The following ARHGAP26 variants were observed in gnomAD, a reference collection of about 807,000 sequenced individuals.
ARHGAP26 encodes Rho GTPase activating protein 26.
ARHGAP26 carries 38 observed loss-of-function variants against 104.8 expected under a neutral mutation model. That is an observed-to-expected ratio of 0.36 (90% CI 0.28 to 0.48). The LOEUF is 0.48. Ranked by LOEUF, ARHGAP26 falls within the 20% of genes least tolerant of loss-of-function variation. ARHGAP26 has a pLI of 0.99. For missense variants in ARHGAP26, 704 were observed against 947.9 expected (o/e 0.74, Z 3.38); for synonymous variants, 341 against 340.0 (o/e 1.00, Z -0.03).
chr5:143,149,217 A>C (rs1436157725), intron 20 of ARHGAP26, among the ~76,000 whole-genome samples: 1 of 152,170 alleles, frequency 6.6e-6, no homozygotes, highest in Non-Finnish European at 1.5e-5. Flanking sequence ...GGGTGATAAC[A>C]GGAACGGTTC....
intron 20 of ARHGAP26, among the ~76,000 whole-genome samples, chr5:143,180,598 C>T (rs902957015): frequency 6.6e-6 from 1 of 152,128 alleles, no homozygotes; most frequent in Non-Finnish European, 1.5e-5. Flanking sequence ...AGGAAACTTA[C>T]AATCATGGCA....
intron 5 of ARHGAP26, among the ~76,000 whole-genome samples, chr5:142,887,051 G>A (rs1757813011): frequency 6.6e-6 from 1 of 152,208 alleles, no homozygotes; most frequent in Non-Finnish European, 1.5e-5. Context: ...AGTTGAGCAG[G>A]TGTGTGGTTA....
intron 20 of ARHGAP26, chr5:143,170,095 C>T (rs1311920092): frequency 1.3e-5 from 2 of 152,204 alleles, no homozygotes; most frequent in African/African-American, 2.4e-5. Flanking sequence ...GTGCCCATTA[C>T]AGGTTATTAG....
rs781652051 is a variant in ARHGAP26 at position 143,222,438 on chromosome 5, T to G, written c.2272T>G (p.Phe758Val). ...CCTCATCCCTGAGAATTACGTGGAGTTCCTCTAACCGTGGGCCCCAGCAGA... is the reference window on the plus strand; with the variant it reads ...CCTCATCCCTGAGAATTACGTGGAGGTCCTCTAACCGTGGGCCCCAGCAGA... ...TGLIPENYVE[F>V]L is the part of the protein sequence containing the mutation. Residue 758 changes from phenylalanine to valine, a missense_variant, in exon 23 of 23, where the codon TTC (phenylalanine) becomes GTC (valine). Physicochemically the swap from Phe to Val is conservative, Grantham distance 50. Transcript: ENST00000645722. 3.8e-6 allele frequency: 6 copies of G among 1,593,288 alleles called. No homozygotes were observed. Among genetic ancestry groups the G allele is most frequent in the Non-Finnish European group, 5.1e-6 (6 of 1,165,566 alleles).
At chr5:142,948,673 A>G (rs913354584) in intron 11 of ARHGAP26, among the ~76,000 whole-genome samples, 6 of 152,006 alleles carry the variant, frequency 3.9e-5, no homozygotes, top group Non-Finnish European at 2.9e-5. Flanking sequence ...TAAGAACATT[A>G]AAAACAGAGG....
At chr5:142,816,152 G>A (rs1765095646) in intron 1 of ARHGAP26, among the ~76,000 whole-genome samples, 1 of 152,028 alleles carries the variant, frequency 6.6e-6, no homozygotes, top group Non-Finnish European at 1.5e-5. Flanking sequence ...TAGAGATATT[G>A]CTAACTGTAC....
At position 143,222,533 on chromosome 5, in the gene ARHGAP26, T is replaced by A; in HGVS notation, c.*87T>A. On this transcript the variant is annotated 3_prime_UTR_variant, in exon 23 of 23. Transcript: ENST00000645722. The stretch of plus-strand genomic sequence containing the variant: ...TGTCGAGGCCATTTCTCTTTGCCAC[T>A]GAGAAATGCAGCGTGACTGACTCTG... 2 of 1,094,510 alleles carry A rather than the reference T, an allele frequency of 1.8e-6. No individual in the cohort carries two copies. The highest frequency in any genetic ancestry group is 2.6e-6 in the Non-Finnish European group (2 of 777,408). 67.8% of individuals were successfully genotyped at this position (1,094,510 alleles called of 1,614,324 possible).
intron 20 of ARHGAP26, among the ~76,000 whole-genome samples, chr5:143,173,402 G>A (rs996038964): frequency 1.3e-5 from 2 of 152,160 alleles, no homozygotes; most frequent in Non-Finnish European, 2.9e-5. Context: ...GGGCCTAGAG[G>A]GAGTGGAGTC....
At chr5:142,807,605 A>G (rs1194864939) in intron 1 of ARHGAP26, among the ~76,000 whole-genome samples, 3 of 152,166 alleles carry the variant, frequency 2.0e-5, no homozygotes, top group South Asian at 2.1e-4. Flanking sequence ...CTATTGATTC[A>G]GCCTTGGGAA....
rs75862471 is a variant in ARHGAP26 at position 143,222,018 on chromosome 5, T to C, written c.2192-340T>C. ...GCCCTCTAACAAGAGTAGGAATCTG[T>C]CACTTCTTTGTAGTTTAAACCAGGA... On this transcript the variant is annotated intron_variant, in intron 22 of 22. Coordinates refer to ENST00000645722, the MANE Select transcript of ARHGAP26 (RefSeq NM_001135608.3). Among the ~76,000 whole-genome samples, 1,252 of 152,220 alleles carry C rather than the reference T, an allele frequency of 8.2e-3. 6 individuals carry two copies. The highest frequency in any genetic ancestry group is 0.014 in the Non-Finnish European group (932 of 68,010).
At chr5:143,142,647 C>T (rs116235218) in intron 19 of ARHGAP26, among the ~76,000 whole-genome samples, 2,615 of 152,244 alleles carry the variant, frequency 0.017, 36 homozygotes, top group Non-Finnish European at 0.028. Context: ...TGGCATGTCA[C>T]TATTATCAGG....
At chr5:142,971,882 G>A (rs910573991) in intron 11 of ARHGAP26, among the ~76,000 whole-genome samples, 1 of 152,158 alleles carries the variant, frequency 6.6e-6, no homozygotes, top group African/African-American at 2.4e-5. Flanking sequence ...GATACACGGA[G>A]TTTAAGATAC....
At chr5:142,933,927 C>A (rs79559038) in intron 11 of ARHGAP26, among the ~76,000 whole-genome samples, 1 of 152,060 alleles carries the variant, frequency 6.6e-6, no homozygotes, top group Non-Finnish European at 1.5e-5. Flanking sequence ...AAATTGCCTT[C>A]GAAAAATTCT....
chr5:142,789,969 T>C (rs1022917699), intron 1 of ARHGAP26, among the ~76,000 whole-genome samples: 1 of 152,202 alleles, frequency 6.6e-6, no homozygotes. Context: ...AACTGGGGAC[T>C]GGTAGAATTT....
At chr5:142,939,694 C>T (rs1420289207) in intron 11 of ARHGAP26, among the ~76,000 whole-genome samples, 2 of 152,154 alleles carry the variant, frequency 1.3e-5, no homozygotes, top group Non-Finnish European at 2.9e-5. Flanking sequence ...CTCACACAGC[C>T]CAAGTTTAAA....
intron 18 of ARHGAP26, among the ~76,000 whole-genome samples, chr5:143,127,114 A>T (rs552657978): frequency 6.6e-6 from 1 of 152,312 alleles, no homozygotes; most frequent in East Asian, 1.9e-4. Context: ...ACAATTTTAG[A>T]TGTTTAAGAA....
Position 143,105,378 on chromosome 5 carries a change from AAAATAAAT to A in ARHGAP26, c.1539-15572_1539-15565del, listed in dbSNP as rs34365485. Reference sequence around the variant, plus strand: ...GCAACAAGAGCGAAGCTCCATCTCAAAAATAAATAAATAAATAAATAAATAAATAAATA... The same window carrying A: ...GCAACAAGAGCGAAGCTCCATCTCAAAAATAAATAAATAAATAAATAAATA... On this transcript the variant is annotated intron_variant, in intron 17 of 22. Coordinates refer to ENST00000645722, the MANE Select transcript of ARHGAP26 (RefSeq NM_001135608.3). Among the ~76,000 whole-genome samples, 1,294 of 140,458 alleles carry A rather than the reference AAAATAAAT, an allele frequency of 9.2e-3. 14 individuals are homozygous for A. The highest frequency in any genetic ancestry group is 0.03 in the African/African-American group (1,158 of 38,264). The allele number at this position is 140,458 out of a possible 152,430, so 92.1% of individuals were successfully genotyped here.
intron 3 of ARHGAP26, among the ~76,000 whole-genome samples, chr5:142,877,038 T>C (rs373822691): frequency 2.3e-4 from 35 of 152,088 alleles, no homozygotes; most frequent in African/African-American, 8.2e-4. Flanking sequence ...TGAGTTAGTA[T>C]TTGGGGGTGG....
intron 20 of ARHGAP26, chr5:143,202,384 A>T (rs1056273059): frequency 6.6e-6 from 1 of 152,132 alleles, no homozygotes; most frequent in Admixed American, 6.5e-5. Context: ...TTCAAGGAAA[A>T]CTACAGACCA....
Sources: allele counts gnomAD v4.1 joint callset (sites outside exome capture counted in the v4.1 genomes callset), GRCh38; gene constraint gnomAD v4.1.1; transcripts MANE v1.5; gene names NCBI Gene and HGNC (gene_info 2026-07-23, HGNC 2026-07-21).